INPPL1: variants seen among roughly 807,000 people sequenced by gnomAD.
INPPL1 encodes the protein phosphatidylinositol 3,4,5-trisphosphate 5-phosphatase 2.
INPPL1 carries 91 observed loss-of-function variants against 139.3 expected under a neutral mutation model. That is an observed-to-expected ratio of 0.65 (90% CI 0.55 to 0.78). The LOEUF (loss-of-function observed/expected upper bound fraction) is 0.78. Among genes scored for constraint, INPPL1 ranks in the 30% least tolerant of loss-of-function variants. INPPL1 has a pLI of 0.00. For synonymous variants in INPPL1, 719 were observed against 686.6 expected, an observed-to-expected ratio of 1.05 and a Z score of -0.74; for missense variants, 1,411 against 1,665.6, an observed-to-expected ratio of 0.85 and a Z score of 2.66.
chr11:72,232,265 C>A lies in INPPL1; in HGVS notation c.1641C>A (p.Ser547=). The A allele has an allele frequency of 6.4e-7, 1 of 1,557,440 alleles. No homozygotes were observed. The highest frequency in any genetic ancestry group is 1.2e-5 in the South Asian group (1 of 84,388). The change falls in exon 14 of 28, where the codon TCC becomes TCA. Residue 547 remains serine, a synonymous_variant. Coordinates refer to ENST00000298229, the MANE Select transcript of INPPL1 (RefSeq NM_001567.4). The part of the protein sequence containing the change: ...TLGNKGAVGV[S]FMFNGTSFGF... The stretch of plus-strand genomic sequence containing the variant: ...GGAACAAGGGGGCTGTGGGCGTCTC[C>A]TTCATGTTTAATGGCACCTCATTTG...
Position 72,229,026 on chromosome 11 carries a change from A to G in INPPL1, c.519-64A>G, listed in dbSNP as rs1051872182. 1.1e-5 allele frequency: 17 copies of G among 1,549,366 alleles called. No homozygotes were observed. The East Asian group carries it at 3.6e-4, about 33-fold the overall frequency. On this transcript the variant is annotated intron_variant, in intron 4 of 27. Coordinates refer to ENST00000298229, the MANE Select transcript of INPPL1 (RefSeq NM_001567.4). ...GCCACAGGTACTATCTCCTCTAGGG[A>G]TGGGGCAGAGGTGCTGGGACAGGTC...
chr11:72,238,196 G>A (rs558988451), intron 27 of INPPL1, 21 bp downstream of exon 27: 6 of 1,610,896 alleles, frequency 3.7e-6, no homozygotes, highest in African/African-American at 1.3e-5. Context: ...GGCTGGCCCC[G>A]GGGGCGGAGC....
In INPPL1 at chr11:72,238,138, C is replaced by T; in HGVS notation, c.3649C>T (p.Leu1217=). 6.3e-7 allele frequency: 1 copy of T among 1,590,410 alleles called. No homozygotes were observed. The highest frequency in any genetic ancestry group is 1.2e-5 in the South Asian group (1 of 86,934). ...CGGCTTGGAGCGCTATGAGGAGGGCCTGGTGCATAATGGCTGGGACGACCT... is the reference window on the plus strand; with the variant it reads ...CGGCTTGGAGCGCTATGAGGAGGGCTTGGTGCATAATGGCTGGGACGACCT... ...AIGLERYEEG[L]VHNGWDDLEF... Residue 1217 remains leucine (L), a synonymous_variant, in exon 27 of 28, where the codon CTG becomes TTG. Coordinates refer to ENST00000298229, the MANE Select transcript of INPPL1 (RefSeq NM_001567.4).
In INPPL1 at chr11:72,228,305, G is replaced by T. The variant is rs1948730500; in HGVS notation, c.247-43G>T. On this transcript the variant is annotated intron_variant, in intron 2 of 27. Transcript: ENST00000298229. The surrounding 1 kb of genome is among the most constrained non-coding windows in gnomAD (Gnocchi z 5.0). ...ACCTTGATCCAGCCTAGGGCTTGGG[G>T]ACCTGCTGGCTGACCCTTCCTCCCA... 6.2e-7 allele frequency: 1 copy of T among 1,614,048 alleles called. No homozygotes were observed. The highest frequency in any genetic ancestry group is 8.5e-7 in the Non-Finnish European group (1 of 1,179,960).
chr11:72,230,388 G>A lies in INPPL1; in HGVS notation c.1117G>A (p.Val373Ile). The change falls in exon 10 of 28, where the codon GTC becomes ATC. Residue 373 changes from valine to isoleucine, a missense_variant. By Grantham distance (29) the Val-to-Ile change is conservative. Around this residue, in one of 5 missense-constraint regions of INPPL1, gnomAD observed 504 missense variants for 595.6 expected, o/e 0.85. Coordinates refer to ENST00000298229, the MANE Select transcript of INPPL1 (RefSeq NM_001567.4). ...RIRQLIKSQR[V>I]QNKLGVVFEK... is the part of the protein sequence containing the mutation. ...CCGCCAGCTCATTAAGTCCCAGCGT[G>A]TCCAGAACAAGCTGGGTGTTGTGTT... 1 of 1,614,128 alleles carries A rather than the reference G, an allele frequency of 6.2e-7. No homozygotes were observed. Among genetic ancestry groups the A allele is most frequent in the Admixed American group, 1.7e-5 (1 of 60,032 alleles).
chr11:72,232,500 G>A, intron 14 of INPPL1, 126 bp from the exon 15 acceptor site: 1 of 1,321,870 alleles, frequency 7.6e-7, no homozygotes, highest in South Asian at 1.3e-5. Flanking sequence ...CCCTAACCTT[G>A]TCCCCAGGGG....
chr11:72,230,249 G>A lies in INPPL1; in HGVS notation c.1068G>A (p.Trp356Ter). The stretch of plus-strand genomic sequence containing the variant: ...GACAGCGGGACTCCCAGGAGGACTG[G>A]ACCACCTTCACGCACGACCGCAGTG... ...LRRQRDSQED[W>*]TTFTHDRIRQ... is the part of the protein sequence containing the mutation. The change falls in exon 9 of 28, where the codon TGG becomes TGA. Residue 356 changes from tryptophan (W) to a stop codon, truncating the protein, a stop_gained. Transcript: ENST00000298229. LOFTEE classifies it high-confidence loss of function. 6.2e-7 allele frequency: 1 copy of A among 1,609,038 alleles called. No individual in the cohort carries two copies. Among genetic ancestry groups the A allele is most frequent in the Non-Finnish European group, 8.5e-7 (1 of 1,176,772 alleles).
chr11:72,236,018 TCC>T, intron 25 of INPPL1, 32 bp downstream of exon 25: 1 of 1,220,810 alleles, frequency 8.2e-7, no homozygotes, highest in Non-Finnish European at 1.2e-6. Flanking sequence ...CGCCCCCCCT[TCC>T]CCCACCCACC....
In INPPL1 at chr11:72,234,999, G is replaced by A. The variant is rs1464519705; in HGVS notation, c.2416-117G>A. 20 of 804,684 alleles carry A rather than the reference G, an allele frequency of 2.5e-5. No individual in the cohort carries two copies. Among genetic ancestry groups the A allele is most frequent in the Non-Finnish European group, 1.4e-5 (7 of 487,614 alleles). 49.8% of individuals were successfully genotyped at this position (804,684 alleles called of 1,614,324 possible). On this transcript the variant is annotated intron_variant, in intron 21 of 27. Transcript: ENST00000298229. The surrounding 1 kb of genome is among the most constrained non-coding windows in gnomAD (Gnocchi z 4.2). ...TTGGCTCTTCTCTGAAGAGTTGAGT[G>A]TGAGTGAGCACAGATGACCTGAGGG...
At chr11:72,227,618 C>T (rs1182153883) in intron 1 of INPPL1, among the ~76,000 whole-genome samples, 1 of 152,182 alleles carries the variant, frequency 6.6e-6, no homozygotes. Context: ...CCCCTCTTGC[C>T]CCTCCTTGGC....
At position 72,229,658 on chromosome 11, in the gene INPPL1, C is replaced by T; in HGVS notation, c.754-5C>T. On this transcript the variant is annotated splice_region_variant and splice_polypyrimidine_tract_variant and intron_variant, in intron 6 of 27. Coordinates refer to ENST00000298229, the MANE Select transcript of INPPL1 (RefSeq NM_001567.4). The stretch of plus-strand genomic sequence containing the variant: ...ATGTACAAGCCTGGTTCTTCCTCCC[C>T]CCAGAACCTGCCACAGACAGGGGAG... 1 of 1,613,936 alleles carries T rather than the reference C, an allele frequency of 6.2e-7. No homozygotes were observed. The highest frequency in any genetic ancestry group is 1.7e-5 in the Admixed American group (1 of 60,020).
At chr11:72,227,404 G>C (rs991678100) in intron 1 of INPPL1, among the ~76,000 whole-genome samples, 3 of 152,214 alleles carry the variant, frequency 2.0e-5, no homozygotes, top group African/African-American at 7.2e-5. Flanking sequence ...AACACAGATA[G>C]TGTTTGTAAT....
intron 5 of INPPL1, 39 bp downstream of exon 5, chr11:72,229,269 C>G (rs374194184): frequency 6.4e-7 from 1 of 1,571,520 alleles, no homozygotes; most frequent in East Asian, 2.2e-5. Flanking sequence ...ACACCCTTAC[C>G]TCTGACCTGT....
intron 1 of INPPL1, among the ~76,000 whole-genome samples, chr11:72,226,177 CTTT>C (rs772547413): frequency 2.6e-4 from 34 of 129,800 alleles, no homozygotes; most frequent in Non-Finnish European, 2.9e-4. Flanking sequence ...CAGGGGAGAC[CTTT>C]TTTTTTTTTT....
In INPPL1 at chr11:72,238,413, A is replaced by G. The variant is rs1949064427; in HGVS notation, c.*60A>G. 6 of 1,430,372 alleles carry G rather than the reference A, an allele frequency of 4.2e-6. No individual in the cohort carries two copies. Among genetic ancestry groups the G allele is most frequent in the Non-Finnish European group, 5.6e-6 (6 of 1,066,608 alleles). The allele number at this position is 1,430,372 out of a possible 1,614,324, so 88.6% of individuals were successfully genotyped here. ...CCCTCCCTGCTACCAAGGCCCAGCTATGGCCCCAGGGTTGAAAAGTTATGA... is the reference window on the plus strand; with the variant it reads ...CCCTCCCTGCTACCAAGGCCCAGCTGTGGCCCCAGGGTTGAAAAGTTATGA... On this transcript the variant is annotated 3_prime_UTR_variant, in exon 28 of 28. Transcript: ENST00000298229.
At chr11:72,231,851 G>A (rs1445920507) in intron 13 of INPPL1, among the ~76,000 whole-genome samples, 1 of 152,300 alleles carries the variant, frequency 6.6e-6, no homozygotes, top group Non-Finnish European at 1.5e-5. Flanking sequence ...CAGAGTGGTT[G>A]AGTGACCTGC....
chr11:72,227,994 TCC>T, intron 1 of INPPL1, 194 bp from the exon 2 acceptor site: 7 of 618,546 alleles, frequency 1.1e-5, no homozygotes, highest in African/African-American at 5.5e-5. Context: ...TTCTGGTCAT[TCC>T]TGCCCAATAG....
rs1949083749 is a variant in INPPL1, at chr11:72,239,068, G to A, written c.*715G>A. 1 of 152,238 alleles carries A rather than the reference G, an allele frequency of 6.6e-6. No individual in the cohort carries two copies. The highest frequency in any genetic ancestry group is 2.4e-5 in the African/African-American group (1 of 41,414). The allele number at this position is 152,238 out of a possible 1,614,324, so 9.4% of individuals were successfully genotyped here. A position where few individuals can be genotyped will look rare whatever the true frequency, so the allele number is the denominator to read the frequency against. On this transcript the variant is annotated 3_prime_UTR_variant, in exon 28 of 28. Transcript: ENST00000298229. Reference sequence around the variant, plus strand: ...AGCCTCCTGGGCAGTCGTAAGGGTTGCGGCGTGATGTCTTCAATAAATTAA... The same window carrying A: ...AGCCTCCTGGGCAGTCGTAAGGGTTACGGCGTGATGTCTTCAATAAATTAA...
rs746371096 is a variant in INPPL1 at position 72,234,732 on chromosome 11, A to AGAGAGTGTGTGTGTGT, written c.2415+118_2415+119insAGAGTGTGTGTGTGTG. ...GGGGCCAGCAGAGAGAGAGAGAGAGAGTGTGTGTGTGTGTGTGTGTGTGTG... is the reference window on the plus strand; with the variant it reads ...GGGGCCAGCAGAGAGAGAGAGAGAGAGAGAGTGTGTGTGTGTGTGTGTGTGTGTGTGTGTGTGTGTG... On this transcript the variant is annotated intron_variant, in intron 21 of 27. Coordinates refer to ENST00000298229, the MANE Select transcript of INPPL1 (RefSeq NM_001567.4). This position sits in a 1 kb window ranked among gnomAD's most constrained non-coding sequence, Gnocchi z 4.2. 2.3e-6 allele frequency: 1 copy of AGAGAGTGTGTGTGTGT among 430,724 alleles called. No homozygotes were observed. Among genetic ancestry groups the AGAGAGTGTGTGTGTGT allele is most frequent in the African/African-American group, 2.2e-5 (1 of 45,796 alleles). 26.7% of individuals were successfully genotyped at this position (430,724 alleles called of 1,614,324 possible).
Sources: allele counts gnomAD v4.1 joint callset (sites outside exome capture counted in the v4.1 genomes callset), GRCh38; gene constraint gnomAD v4.1.1; regional missense constraint gnomAD v4.1.1; non-coding constraint Gnocchi (gnomAD v3.1); transcripts MANE v1.5; gene names NCBI Gene and HGNC (gene_info 2026-07-23, HGNC 2026-07-21).